Variants in PPP6R3 observed in about 807,000 individuals in gnomAD.
PPP6R3 encodes serine/threonine-protein phosphatase 6 regulatory subunit 3.
A neutral mutation model predicts 110.7 loss-of-function variants in PPP6R3; 38 were observed. That is an observed-to-expected ratio of 0.34 (90% CI 0.26 to 0.45). The LOEUF is 0.45. Among genes scored for constraint, PPP6R3 ranks in the 20% least tolerant of loss-of-function variants. PPP6R3 has a pLI of 1.00. For missense variants in PPP6R3, 870 were observed against 1,062.4 expected (o/e 0.82, Z 2.52); for synonymous variants, 369 against 373.5 (o/e 0.99, Z 0.14).
chr11:68,608,815 T>A (rs1423993159), intron 22 of PPP6R3, among the ~76,000 whole-genome samples: 1 of 152,190 alleles, frequency 6.6e-6, no homozygotes, highest in African/African-American at 2.4e-5. Context: ...GTTATGACTA[T>A]TTTTTAAAGA....
intron 2 of PPP6R3, among the ~76,000 whole-genome samples, chr11:68,525,199 A>G (rs537194550): frequency 6.6e-6 from 1 of 152,396 alleles, no homozygotes; most frequent in African/African-American, 2.4e-5. Context: ...CAAAATGAGA[A>G]CAAAACCTTG....
At chr11:68,507,287 C>T (rs1207424755) in intron 1 of PPP6R3, among the ~76,000 whole-genome samples, 3 of 141,062 alleles carry the variant, frequency 2.1e-5, no homozygotes, top group African/African-American at 5.3e-5. Context: ...TATTGATTAA[C>T]GGCTTAGAAG....
intron 15 of PPP6R3, among the ~76,000 whole-genome samples, chr11:68,584,200 G>T (rs1417475029): frequency 6.6e-6 from 1 of 152,198 alleles, no homozygotes; most frequent in Non-Finnish European, 1.5e-5. Flanking sequence ...GTCCCTAGGG[G>T]GCACTGTTGA....
intron 1 of PPP6R3, among the ~76,000 whole-genome samples, chr11:68,519,222 T>A (rs1363375947): frequency 6.6e-6 from 1 of 152,216 alleles, no homozygotes; most frequent in African/African-American, 2.4e-5. Context: ...AAGGTAAGAA[T>A]ATGTATTTTT....
intron 4 of PPP6R3, among the ~76,000 whole-genome samples, chr11:68,547,134 G>A (rs527549721): frequency 9.9e-5 from 15 of 152,206 alleles, no homozygotes; most frequent in African/African-American, 3.6e-4. Flanking sequence ...GGCTTTTGTG[G>A]CATACATATC....
chr11:68,494,262 AC>A (rs1411443113), intron 1 of PPP6R3, among the ~76,000 whole-genome samples: 1 of 149,456 alleles, frequency 6.7e-6, no homozygotes, highest in Non-Finnish European at 1.5e-5. Context: ...ACGGTGGCTC[AC>A]GCCTGTAATC....
intron 22 of PPP6R3, among the ~76,000 whole-genome samples, chr11:68,608,514 A>G (rs970243260): frequency 5.3e-5 from 8 of 152,192 alleles, no homozygotes; most frequent in African/African-American, 1.9e-4. Context: ...CTTTGTAGGT[A>G]GAAAAATGGC....
intron 7 of PPP6R3, among the ~76,000 whole-genome samples, chr11:68,555,299 A>T (rs11228284): frequency 0.23 from 35,028 of 152,168 alleles, 4,287 homozygotes; most frequent in Middle Eastern, 0.32. Flanking sequence ...TTGTGATATT[A>T]ATTAGGTTGA....
chr11:68,508,233 A>G (rs1014314683), intron 1 of PPP6R3, among the ~76,000 whole-genome samples: 14 of 147,604 alleles, frequency 9.5e-5, no homozygotes, highest in African/African-American at 2.5e-4. Context: ...TGTTCAAGCA[A>G]TTCTCCTGCC....
At chr11:68,578,004 A>G (rs1378130224) in intron 14 of PPP6R3, among the ~76,000 whole-genome samples, 1 of 152,226 alleles carries the variant, frequency 6.6e-6, no homozygotes, top group Non-Finnish European at 1.5e-5. Flanking sequence ...AGGTGGATCT[A>G]AATACTTCTT....
At chr11:68,545,145 T>C (rs1265606080) in intron 4 of PPP6R3, 121 bp downstream of exon 4, 1 of 657,588 alleles carries the variant, frequency 1.5e-6, no homozygotes, top group African/African-American at 1.8e-5. Flanking sequence ...TAAGAGAATG[T>C]ATTTTAAACC....
At chr11:68,503,502 A>G (rs1000929760) in intron 1 of PPP6R3, among the ~76,000 whole-genome samples, 1 of 152,224 alleles carries the variant, frequency 6.6e-6, no homozygotes, top group Non-Finnish European at 1.5e-5. Flanking sequence ...AGGGAGACTG[A>G]GAAATGGCCA....
intron 1 of PPP6R3, among the ~76,000 whole-genome samples, chr11:68,508,170 C>T (rs2099089089): frequency 7.3e-6 from 1 of 137,874 alleles, no homozygotes; most frequent in Admixed American, 7.4e-5. Flanking sequence ...GATCCATCAC[C>T]CAGGCTGGAG....
chr11:68,483,539 G>A (rs1423139961), intron 1 of PPP6R3, among the ~76,000 whole-genome samples: 1 of 152,192 alleles, frequency 6.6e-6, no homozygotes, highest in African/African-American at 2.4e-5. Context: ...CTGGAGTGCA[G>A]TGGTGTGATC....
chr11:68,532,580 A>G (rs1565650534), intron 2 of PPP6R3, among the ~76,000 whole-genome samples: 1 of 152,360 alleles, frequency 6.6e-6, no homozygotes, highest in East Asian at 1.9e-4. Context: ...TGCTGCATAT[A>G]TTACAGTGCT....
rs114702940 is a variant in PPP6R3, at chr11:68,532,006, G to A, written c.-6-5653G>A. Reference sequence around the variant, plus strand: ...TGAATATGCTAGCATTCGACTAGCAGTGCCTTGGCAAATTTTACAGATAGA... The same window carrying A: ...TGAATATGCTAGCATTCGACTAGCAATGCCTTGGCAAATTTTACAGATAGA... On this transcript the variant is annotated intron_variant, in intron 2 of 23. Coordinates refer to ENST00000393800, the MANE Select transcript of PPP6R3 (RefSeq NM_001164161.2). Among the ~76,000 whole-genome samples, 521 of 152,356 alleles carry A rather than the reference G, an allele frequency of 3.4e-3. 6 individuals are homozygous for A. The highest frequency in any genetic ancestry group is 0.012 in the African/African-American group (497 of 41,580).
At chr11:68,554,374 T>C in intron 7 of PPP6R3, 117 bp downstream of exon 7, 1 of 733,274 alleles carries the variant, frequency 1.4e-6, no homozygotes, top group South Asian at 2.6e-5. Context: ...GAAAATAACC[T>C]TGGGTGGGTG....
chr11:68,480,831 C>T (rs1320399166), intron 1 of PPP6R3, among the ~76,000 whole-genome samples: 2 of 152,138 alleles, frequency 1.3e-5, no homozygotes, highest in African/African-American at 4.8e-5. Context: ...TTTTCCCCCT[C>T]CTTCAATATG....
intron 1 of PPP6R3, among the ~76,000 whole-genome samples, chr11:68,487,475 C>G (rs1342403334): frequency 6.6e-6 from 1 of 151,730 alleles, no homozygotes; most frequent in East Asian, 1.9e-4. Context: ...GAGGCTGAGG[C>G]ATGAGAATTG....
Sources: gnomAD v4.1 joint callset for allele counts (sites outside exome capture counted in the v4.1 genomes callset) on GRCh38, gnomAD v4.1.1 for gene constraint, MANE v1.5 for transcripts, NCBI Gene and HGNC (gene_info 2026-07-23, HGNC 2026-07-21) for gene names.